NRG1: variants seen among roughly 807,000 people sequenced by gnomAD.
NRG1 encodes the protein neuregulin 1.
Under a neutral mutation model 63.8 loss-of-function variants are expected in NRG1, and 18 were observed. The ratio of observed to expected loss-of-function variants is 0.28; its 90% CI spans 0.19 to 0.42. NRG1 has a LOEUF of 0.42. NRG1 is among the 10% of genes least tolerant of loss of function. The pLI, the probability that NRG1 is intolerant of heterozygous loss-of-function variation, is 1.00. For synonymous variants in NRG1, 302 were observed against 301.3 expected, an observed-to-expected ratio of 1.00 and a Z score of -0.02; for missense variants, 762 against 814.7, an observed-to-expected ratio of 0.94 and a Z score of 0.79.
At chr8:31,890,948 T>A (rs1324770489) in intron 1 of NRG1, among the ~76,000 whole-genome samples, 2 of 152,162 alleles carry the variant, frequency 1.3e-5, no homozygotes, top group Non-Finnish European at 2.9e-5. Flanking sequence ...GGATGCCCAA[T>A]GGCAGAAAAA....
chr8:31,666,330 T>G (rs1461737778), intron 1 of NRG1, among the ~76,000 whole-genome samples: 1 of 152,154 alleles, frequency 6.6e-6, no homozygotes, highest in Non-Finnish European at 1.5e-5. Flanking sequence ...CTGGGAAAGC[T>G]CCAATGACTC....
intron 1 of NRG1, among the ~76,000 whole-genome samples, chr8:31,700,555 G>A (rs745712151): frequency 5.9e-5 from 9 of 152,124 alleles, no homozygotes; most frequent in Non-Finnish European, 1.3e-4. Flanking sequence ...AGATATTGAG[G>A]CATCTTAATG....
chr8:32,022,539 T>C (rs1260613308), intron 1 of NRG1, among the ~76,000 whole-genome samples: 1 of 152,134 alleles, frequency 6.6e-6, no homozygotes, highest in Non-Finnish European at 1.5e-5. Context: ...TTACAAGACA[T>C]GCAACTTATT....
intron 1 of NRG1, among the ~76,000 whole-genome samples, chr8:31,967,748 G>T (rs965285955): frequency 6.6e-6 from 1 of 152,170 alleles, no homozygotes; most frequent in Admixed American, 6.5e-5. Context: ...CCACCAGTCT[G>T]CAGGGCAGCC....
intron 5 of NRG1, among the ~76,000 whole-genome samples, chr8:32,683,784 C>T (rs555358584): frequency 2.6e-5 from 4 of 151,386 alleles, no homozygotes; most frequent in East Asian, 1.9e-4. Context: ...TACCTAAGTT[C>T]GGATATTGTC....
chr8:32,281,494 C>T (rs1324043137), intron 1 of NRG1, among the ~76,000 whole-genome samples: 1 of 151,958 alleles, frequency 6.6e-6, no homozygotes, highest in Non-Finnish European at 1.5e-5. Context: ...TTTTCTTCCT[C>T]ATCCTCCTCC....
intron 1 of NRG1, among the ~76,000 whole-genome samples, chr8:31,713,437 A>G (rs902580408): frequency 4.5e-4 from 69 of 152,028 alleles, no homozygotes; most frequent in Non-Finnish European, 1.3e-4. Context: ...TTTTTAACAC[A>G]TGGTGAGGTG....
intron 1 of NRG1, among the ~76,000 whole-genome samples, chr8:32,330,545 G>A (rs1056855513): frequency 6.6e-6 from 1 of 152,216 alleles, no homozygotes; most frequent in Non-Finnish European, 1.5e-5. Flanking sequence ...ACCAGCTCTA[G>A]AGCTGGGATG....
chr8:31,834,333 A>ACACACACACACG (rs1415012765), intron 1 of NRG1, among the ~76,000 whole-genome samples: 6 of 151,218 alleles, frequency 4.0e-5, no homozygotes, highest in South Asian at 2.1e-4. Context: ...ACACACACGC[A>ACACACACACACG]CACCAATTTG....
chr8:32,264,210 A>G (rs1352314408), intron 1 of NRG1, among the ~76,000 whole-genome samples: 1 of 152,198 alleles, frequency 6.6e-6, no homozygotes, highest in Admixed American at 6.5e-5. Flanking sequence ...AATAAATTGT[A>G]TGATTGTTTA....
At chr8:31,904,440 G>A (rs574336629) in intron 1 of NRG1, among the ~76,000 whole-genome samples, 9 of 152,314 alleles carry the variant, frequency 5.9e-5, no homozygotes, top group African/African-American at 1.2e-4. Flanking sequence ...ATTCACTGCT[G>A]CTTGGAATGT....
At chr8:31,702,282 T>C (rs887134722) in intron 1 of NRG1, among the ~76,000 whole-genome samples, 2 of 152,196 alleles carry the variant, frequency 1.3e-5, no homozygotes, top group African/African-American at 4.8e-5. Context: ...ATAACCCTGA[T>C]ACTTTCTAAA....
chr8:31,830,372 TCCTTCCC>T (rs1825019943), intron 1 of NRG1, among the ~76,000 whole-genome samples: 1 of 149,274 alleles, frequency 6.7e-6, no homozygotes, highest in Non-Finnish European at 1.5e-5. Context: ...CCTCCTTCCC[TCCTTCCC>T]TCCTTCCCTC....
At chr8:31,643,534 G>A (rs1330479290) in intron 1 of NRG1, among the ~76,000 whole-genome samples, 2 of 152,158 alleles carry the variant, frequency 1.3e-5, no homozygotes, top group Admixed American at 6.5e-5. Context: ...TTTGAAAAAT[G>A]GACCTTTGGA....
intron 1 of NRG1, among the ~76,000 whole-genome samples, chr8:32,040,514 C>T (rs536558296): frequency 1.3e-5 from 2 of 151,466 alleles, no homozygotes; most frequent in South Asian, 4.2e-4. Flanking sequence ...ATGTTATGTC[C>T]TTTGTCAGGT....
At chr8:31,970,093 C>T (rs1046647625) in intron 1 of NRG1, among the ~76,000 whole-genome samples, 4 of 151,986 alleles carry the variant, frequency 2.6e-5, no homozygotes, top group African/African-American at 4.8e-5. Flanking sequence ...ATTGAGTATA[C>T]GGTGGGTGGC....
intron 1 of NRG1, among the ~76,000 whole-genome samples, chr8:32,351,246 C>A (rs911105668): frequency 6.6e-6 from 1 of 152,130 alleles, no homozygotes; most frequent in Non-Finnish European, 1.5e-5. Flanking sequence ...TTAGAGTTGA[C>A]AGAATACTTG....
chr8:32,391,179 G>A (rs1376833635), intron 1 of NRG1, among the ~76,000 whole-genome samples: 1 of 152,022 alleles, frequency 6.6e-6, no homozygotes. Flanking sequence ...TGCCCAGGCT[G>A]GAGTGCAGTG....
chr8:32,367,005 T>A (rs1008216628), intron 1 of NRG1, among the ~76,000 whole-genome samples: 60 of 152,070 alleles, frequency 3.9e-4, no homozygotes, highest in African/African-American at 1.3e-3. Context: ...AGCCACCGCA[T>A]CTGGCCTCAC....
Sources: gnomAD v4.1 joint callset for allele counts (sites outside exome capture counted in the v4.1 genomes callset) on GRCh38, gnomAD v4.1.1 for gene constraint, MANE v1.5 for transcripts, NCBI Gene and HGNC (gene_info 2026-07-23, HGNC 2026-07-21) for gene names.